IER5: variants seen among roughly 807,000 people sequenced by gnomAD.
IER5 encodes immediate early response 5.
In IER5, 3 loss-of-function variants were observed where a neutral mutation model predicts 8.2. The observed-to-expected ratio is 0.36, with a 90% CI of 0.17 to 0.94. The LOEUF (loss-of-function observed/expected upper bound fraction) is 0.94. Among genes scored for constraint, IER5 ranks in the 40% least tolerant of loss-of-function variants. IER5 has a pLI of 0.43. For synonymous variants in IER5, 286 were observed against 230.1 expected (o/e 1.24, Z -2.20); for missense variants, 531 against 494.3 (o/e 1.07, Z -0.70).
Position 181,089,262 on chromosome 1 carries a change from C to T in IER5, c.360C>T (p.Ala120=). The T allele has an allele frequency of 3.9e-6, 6 of 1,556,058 alleles. No individual in the cohort carries two copies. Among genetic ancestry groups the T allele is most frequent in the Non-Finnish European group, 5.2e-6 (6 of 1,153,258 alleles). ...GGGTAGGGGACGAGGTGCCGGTGGC[C>T]ACGGTGACTGGAGTCGGGGACGTTT... The part of the protein sequence containing the change: ...APRVGDEVPV[A]TVTGVGDVFQ... Residue 120 remains alanine (A), a synonymous_variant, in exon 1 of 1, where the codon GCC becomes GCT. Transcript: ENST00000367577.
chr1:181,092,455 A>G lies in IER5; in HGVS notation c.*2569A>G, dbSNP rs775276712. The G allele has an allele frequency of 4.0e-5, 6 of 151,896 alleles. No individual in the cohort carries two copies. The highest frequency in any genetic ancestry group is 1.2e-4 in the African/African-American group (5 of 41,344). 9.4% of individuals were successfully genotyped at this position (151,896 alleles called of 1,614,324 possible). On this transcript the variant is annotated 3_prime_UTR_variant, in exon 1 of 1. Transcript: ENST00000367577. The stretch of plus-strand genomic sequence containing the variant: ...GCCAGGCTGCTTGGTGTCTTCCTTT[A>G]TTTATTTATTTATTTAATTATAAAA...
rs1351484502 is a variant in IER5 at position 181,089,433 on chromosome 1, C to T, written c.531C>T (p.Gly177=). 4 of 1,396,292 alleles carry T rather than the reference C, an allele frequency of 2.9e-6. No homozygotes were observed. The highest frequency in any genetic ancestry group is 3.7e-6 in the Non-Finnish European group (4 of 1,074,360). The allele number at this position is 1,396,292 out of a possible 1,614,324, so 86.5% of individuals were successfully genotyped here. Residue 177 remains glycine (G), a synonymous_variant, in exon 1 of 1, where the codon GGC becomes GGT. Coordinates refer to ENST00000367577, the MANE Select transcript of IER5 (RefSeq NM_016545.5). Reference sequence around the variant, plus strand: ...CTCGTGCCGCGCGCCGCCCCTGCGGCTGCCCCCTAGGCGGGGAGGACCCGC... The same window carrying T: ...CTCGTGCCGCGCGCCGCCCCTGCGGTTGCCCCCTAGGCGGGGAGGACCCGC... The part of the protein sequence containing the change: ...EVSRAARRPC[G]CPLGGEDPPG...
In IER5 at chr1:181,089,946, G is replaced by C. The variant is rs1241048431; in HGVS notation, c.*60G>C. ...GCGGGCGTCCCCGAAGTGAGGGCCA[G>C]GCCCTTCCCGGCTGCGAGGACGCCC... On this transcript the variant is annotated 3_prime_UTR_variant, in exon 1 of 1. Transcript: ENST00000367577. 6.4e-7 allele frequency: 1 copy of C among 1,567,492 alleles called. No homozygotes were observed. The highest frequency in any genetic ancestry group is 1.4e-5 in the African/African-American group (1 of 73,406).
rs939355585 is a variant in IER5 at position 181,088,803 on chromosome 1, C to A, written c.-100C>A. The A allele has an allele frequency of 5.2e-4, 373 of 721,148 alleles. No individual in the cohort carries two copies. The highest frequency in any genetic ancestry group is 1.3e-3 in the East Asian group (29 of 22,316). The allele number at this position is 721,148 out of a possible 1,614,324, so 44.7% of individuals were successfully genotyped here. A position where few individuals can be genotyped will look rare whatever the true frequency, so the allele number is the denominator to read the frequency against. On this transcript the variant is annotated 5_prime_UTR_variant, in exon 1 of 1. Transcript: ENST00000367577. ...GTTTCTCTTCGGAGTCTTAGGTGAT[C>A]GAGGGTGTGCCCAGGGGGCGGACTT...
rs758640238 is a variant in IER5 at position 181,089,064 on chromosome 1, C to T, written c.162C>T (p.Gly54=). The T allele has an allele frequency of 1.2e-6, 2 of 1,600,096 alleles. No homozygotes were observed. Among genetic ancestry groups the T allele is most frequent in the South Asian group, 1.1e-5 (1 of 89,670 alleles). ...TCTACCTGAGCGACCCGTGCCCCGG[C>T]CTCTACCTGGCCGGTCCCGCTGGGA... ...RQVYLSDPCP[G]LYLAGPAGTP... The change falls in exon 1 of 1, where the codon GGC becomes GGT. Residue 54 remains glycine, a synonymous_variant. Coordinates refer to ENST00000367577, the MANE Select transcript of IER5 (RefSeq NM_016545.5).
In IER5 at chr1:181,089,799, G is replaced by C; in HGVS notation, c.897G>C (p.Pro299=). ...REEEEGEESG[P]EAAEPGQICC... ...AAGAGGAGGGAGAGGAGAGCGGTCC[G>C]GAAGCCGCCGAGCCCGGGCAGATCT... is the stretch of plus-strand genomic sequence containing the variant. The change falls in exon 1 of 1, where the codon CCG becomes CCC. Residue 299 remains proline, a synonymous_variant. Transcript: ENST00000367577. 6.2e-7 allele frequency: 1 copy of C among 1,613,416 alleles called. No homozygotes were observed. The highest frequency in any genetic ancestry group is 8.5e-7 in the Non-Finnish European group (1 of 1,179,830).
In IER5 at chr1:181,089,857, C is replaced by T. The variant is rs138479049; in HGVS notation, c.955C>T (p.Pro319Ser). The T allele has an allele frequency of 2.8e-5, 45 of 1,613,108 alleles. No homozygotes were observed. The Admixed American group carries it at 5.3e-4, about 19-fold the overall frequency. The change falls in exon 1 of 1, where the codon CCC becomes TCC. Residue 319 changes from proline to serine, a missense_variant. Pro to Ser is a moderately conservative substitution (Grantham distance 74, BLOSUM62 -1). Transcript: ENST00000367577. ...TAAGCCGGTGCTGAGAGACATGAAC[C>T]CCTGGAGCACAGCCATCGTGGCCTT... is the stretch of plus-strand genomic sequence containing the variant. ...CDKPVLRDMNPWSTAIVAF is the reference protein window; with the variant it reads ...CDKPVLRDMNSWSTAIVAF
chr1:181,088,863 G>C lies in IER5; in HGVS notation c.-40G>C, dbSNP rs771353029. ...TCCCGTTCCCTCCCAATTTCCAAAC[G>C]TGTCACCCCGGCGCCGACGGCCCTG... is the stretch of plus-strand genomic sequence containing the variant. On this transcript the variant is annotated 5_prime_UTR_variant, in exon 1 of 1. Coordinates refer to ENST00000367577, the MANE Select transcript of IER5 (RefSeq NM_016545.5). 2 of 1,459,570 alleles carry C rather than the reference G, an allele frequency of 1.4e-6. No homozygotes were observed. The highest frequency in any genetic ancestry group is 1.8e-6 in the Non-Finnish European group (2 of 1,082,266). 90.4% of individuals were successfully genotyped at this position (1,459,570 alleles called of 1,614,324 possible). A position where few individuals can be genotyped will look rare whatever the true frequency, so the allele number is the denominator to read the frequency against.
In IER5 at chr1:181,089,580, C is replaced by T; in HGVS notation, c.678C>T (p.Gly226=). 3.9e-6 allele frequency: 6 copies of T among 1,552,886 alleles called. No individual in the cohort carries two copies. In the South Asian group the frequency reaches 4.7e-5, roughly 12 times the overall value. The change falls in exon 1 of 1, where the codon GGC becomes GGT. Residue 226 remains glycine, a synonymous_variant. Coordinates refer to ENST00000367577, the MANE Select transcript of IER5 (RefSeq NM_016545.5). ...PRKRCAAGVG[G]GPAGCPAPGS... ...AGCGCTGCGCGGCGGGGGTGGGCGG[C>T]GGCCCAGCGGGCTGCCCGGCGCCCG...
Position 181,090,542 on chromosome 1 carries a change from A to C in IER5, c.*656A>C, listed in dbSNP as rs1659453951. On this transcript the variant is annotated 3_prime_UTR_variant, in exon 1 of 1. Transcript: ENST00000367577. ...GGGGAGAAAAAGCTTGACGAACTTC[A>C]CAGAAGAGTTCAAGCTTGGAAATAA... 1 of 167,394 alleles carries C rather than the reference A, an allele frequency of 6.0e-6. No individual in the cohort carries two copies. The highest frequency in any genetic ancestry group is 2.4e-5 in the African/African-American group (1 of 41,476). 10.4% of individuals were successfully genotyped at this position (167,394 alleles called of 1,614,324 possible). A position where few individuals can be genotyped will look rare whatever the true frequency, so the allele number is the denominator to read the frequency against.
Position 181,089,733 on chromosome 1 carries a change from C to T in IER5, c.831C>T (p.Phe277=), listed in dbSNP as rs527415562. Residue 277 remains phenylalanine (F), a synonymous_variant, in exon 1 of 1, where the codon TTC becomes TTT. Coordinates refer to ENST00000367577, the MANE Select transcript of IER5 (RefSeq NM_016545.5). ...TCATCAGCATCTTCGGTTCCAGTTT[C>T]TCGGGACTCCTACGGAAAAGCCCCG... is the stretch of plus-strand genomic sequence containing the variant. The part of the protein sequence containing the change: ...ANLISIFGSS[F]SGLLRKSPGG... The T allele has an allele frequency of 3.1e-6, 5 of 1,613,936 alleles. No homozygotes were observed. The highest frequency in any genetic ancestry group is 2.7e-5 in the African/African-American group (2 of 75,072).
Position 181,089,470 on chromosome 1 carries a change from G to A in IER5, c.568G>A (p.Ala190Thr). 3 of 1,351,174 alleles carry A rather than the reference G, an allele frequency of 2.2e-6. No individual in the cohort carries two copies. The highest frequency in any genetic ancestry group is 2.9e-6 in the Non-Finnish European group (3 of 1,051,404). 83.7% of individuals were successfully genotyped at this position (1,351,174 alleles called of 1,614,324 possible). A position where few individuals can be genotyped will look rare whatever the true frequency, so the allele number is the denominator to read the frequency against. ...LGGEDPPGTPAATPRAACCCA... is the reference protein window; with the variant it reads ...LGGEDPPGTPTATPRAACCCA... ...CGGGGAGGACCCGCCGGGTACACCG[G>A]CCGCGACCCCCCGCGCTGCCTGCTG... The change falls in exon 1 of 1, where the codon GCC becomes ACC. Residue 190 changes from alanine (A) to threonine (T), a missense_variant. Ala to Thr is a moderately conservative substitution (Grantham distance 58, BLOSUM62 0). Transcript: ENST00000367577.
Position 181,088,796 on chromosome 1 carries a change from A to G in IER5, c.-107A>G. 1.5e-6 allele frequency: 1 copy of G among 670,398 alleles called. No homozygotes were observed. The highest frequency in any genetic ancestry group is 2.5e-6 in the Non-Finnish European group (1 of 406,398). 41.5% of individuals were successfully genotyped at this position (670,398 alleles called of 1,614,324 possible). Reference sequence around the variant, plus strand: ...CAGAGTCGTTTCTCTTCGGAGTCTTAGGTGATCGAGGGTGTGCCCAGGGGG... The same window carrying G: ...CAGAGTCGTTTCTCTTCGGAGTCTTGGGTGATCGAGGGTGTGCCCAGGGGG... On this transcript the variant is annotated 5_prime_UTR_variant, in exon 1 of 1. Coordinates refer to ENST00000367577, the MANE Select transcript of IER5 (RefSeq NM_016545.5).
In IER5 at chr1:181,089,932, C is replaced by T; in HGVS notation, c.*46C>T. On this transcript the variant is annotated 3_prime_UTR_variant, in exon 1 of 1. Coordinates refer to ENST00000367577, the MANE Select transcript of IER5 (RefSeq NM_016545.5). ...GAGGAGGTGGAGCAGCGGGCGTCCC[C>T]GAAGTGAGGGCCAGGCCCTTCCCGG... 6.3e-7 allele frequency: 1 copy of T among 1,593,574 alleles called. No homozygotes were observed. Among genetic ancestry groups the T allele is most frequent in the South Asian group, 1.1e-5 (1 of 88,774 alleles).
rs1659434653 is a variant in IER5 at position 181,090,078 on chromosome 1, A to G, written c.*192A>G. On this transcript the variant is annotated 3_prime_UTR_variant, in exon 1 of 1. Transcript: ENST00000367577. ...CTGGAGACCTGGGAGCTTGAGGCTC[A>G]TTGGAAGAGGACGATCGTTAACTTT... is the stretch of plus-strand genomic sequence containing the variant. The G allele has an allele frequency of 1.5e-6, 1 of 657,894 alleles. No homozygotes were observed. The highest frequency in any genetic ancestry group is 2.9e-5 in the Admixed American group (1 of 34,040). 40.8% of individuals were successfully genotyped at this position (657,894 alleles called of 1,614,324 possible). A position where few individuals can be genotyped will look rare whatever the true frequency, so the allele number is the denominator to read the frequency against.
At position 181,089,527 on chromosome 1, in the gene IER5, C is replaced by G. The variant is rs1457798708; in HGVS notation, c.625C>G (p.Pro209Ala). The change falls in exon 1 of 1, where the codon CCC becomes GCC. Residue 209 changes from proline (P) to alanine (A), a missense_variant. Physicochemically the swap from Pro to Ala is conservative, Grantham distance 27. Transcript: ENST00000367577. ...CAPQPAEDEP[P>A]APPAVCPRKR... ...GCCGCAACCAGCGGAGGACGAGCCC[C>G]CCGCGCCGCCCGCGGTGTGCCCCAG... The G allele has an allele frequency of 7.0e-6, 9 of 1,278,626 alleles. No homozygotes were observed. The highest frequency in any genetic ancestry group is 1.6e-5 in the African/African-American group (1 of 63,728). The allele number at this position is 1,278,626 out of a possible 1,614,324, so 79.2% of individuals were successfully genotyped here.
At position 181,089,142 on chromosome 1, in the gene IER5, C is replaced by T. The variant is rs1170723459; in HGVS notation, c.240C>T (p.Pro80=). 7.1e-7 allele frequency: 1 copy of T among 1,401,346 alleles called. No homozygotes were observed. The highest frequency in any genetic ancestry group is 9.3e-7 in the Non-Finnish European group (1 of 1,079,712). 86.8% of individuals were successfully genotyped at this position (1,401,346 alleles called of 1,614,324 possible). Residue 80 remains proline, a synonymous_variant, in exon 1 of 1, where the codon CCC becomes CCT. Transcript: ENST00000367577. ...CCGGGGAGCCGGCGGCCGGGCCACC[C>T]GCCGGCTGGGGAGAGCCGCCCCCGC... ...QQPGEPAAGP[P]AGWGEPPPPA...
At position 181,089,501 on chromosome 1, in the gene IER5, C is replaced by A. The variant is rs1299643612; in HGVS notation, c.599C>A (p.Ala200Glu). 7.6e-7 allele frequency: 1 copy of A among 1,320,468 alleles called. No individual in the cohort carries two copies. Among genetic ancestry groups the A allele is most frequent in the Non-Finnish European group, 9.7e-7 (1 of 1,032,766 alleles). The allele number at this position is 1,320,468 out of a possible 1,614,324, so 81.8% of individuals were successfully genotyped here. The change falls in exon 1 of 1, where the codon GCG becomes GAG. Residue 200 changes from alanine (A) to glutamate (E), a missense_variant. Ala to Glu is a moderately radical substitution (Grantham distance 107). Transcript: ENST00000367577. ...ACCCCCCGCGCTGCCTGCTGCTGCG[C>A]GCCGCAACCAGCGGAGGACGAGCCC... is the stretch of plus-strand genomic sequence containing the variant. ...AATPRAACCC[A>E]PQPAEDEPPA...
chr1:181,089,342 C>A lies in IER5; in HGVS notation c.440C>A (p.Pro147Gln). 6.6e-7 allele frequency: 1 copy of A among 1,522,096 alleles called. No homozygotes were observed. Among genetic ancestry groups the A allele is most frequent in the Non-Finnish European group, 8.8e-7 (1 of 1,136,048 alleles). 94.3% of individuals were successfully genotyped at this position (1,522,096 alleles called of 1,614,324 possible). A position where few individuals can be genotyped will look rare whatever the true frequency, so the allele number is the denominator to read the frequency against. ...GCTGCCTGGAGCCGCGTGGAGGGGC[C>A]GCGCCAGGCGGCGGCCAGAGAAGCC... ...TEAAWSRVEG[P>Q]RQAAAREAEG... Residue 147 changes from proline to glutamine, a missense_variant, in exon 1 of 1, where the codon CCG becomes CAG. By Grantham distance (76) the Pro-to-Gln change is moderately conservative. Transcript: ENST00000367577.
Sources: allele counts gnomAD v4.1 joint callset, GRCh38; gene constraint gnomAD v4.1.1; transcripts MANE v1.5; gene names NCBI Gene and HGNC (gene_info 2026-07-23, HGNC 2026-07-21).